The following CELF2 variants were observed in gnomAD, a reference collection of about 807,000 sequenced individuals.
CELF2 encodes the protein CUGBP Elav-like family member 2, also known as CUG triplet repeat RNA-binding protein 2.
A neutral mutation model predicts 62.6 loss-of-function variants in CELF2; 8 were observed. The ratio of observed to expected loss-of-function variants is 0.13; its 90% CI spans 0.07 to 0.23. The LOEUF is 0.23. Among genes scored for constraint, CELF2 ranks in the 10% least tolerant of loss-of-function variants. The pLI, the probability that CELF2 is intolerant of heterozygous loss-of-function variation, is 1.00. For missense variants in CELF2, 333 were observed against 671.0 expected, an observed-to-expected ratio of 0.50 and a Z score of 5.56; for synonymous variants, 258 against 250.0, an observed-to-expected ratio of 1.03 and a Z score of -0.30.
At chr10:10,872,314 G>A (rs772266781) in intron 1 of CELF2, among the ~76,000 whole-genome samples, 2 of 152,116 alleles carry the variant, frequency 1.3e-5, no homozygotes, top group Non-Finnish European at 2.9e-5. Flanking sequence ...GGTGATTTGA[G>A]GAAATGATCT....
chr10:10,607,887 T>A, the CELF2 span, among the ~76,000 whole-genome samples: 1 of 151,610 alleles, frequency 6.6e-6, no homozygotes, highest in Non-Finnish European at 1.5e-5. Context: ...ACCCAGGAGG[T>A]GGGAGGTGGC....
chr10:10,888,392 T>G (rs2061907028), intron 1 of CELF2, among the ~76,000 whole-genome samples: 1 of 152,214 alleles, frequency 6.6e-6, no homozygotes, highest in Non-Finnish European at 1.5e-5. Context: ...GGGAACAGTT[T>G]CATCTCACAC....
chr10:10,547,304 G>A, the CELF2 span, among the ~76,000 whole-genome samples: 13 of 152,098 alleles, frequency 8.5e-5, no homozygotes, highest in Non-Finnish European at 1.8e-4. Flanking sequence ...AGTGCCGAAT[G>A]CCTAATTCCC....
At chr10:10,872,731 AT>A (rs1008619645) in intron 1 of CELF2, among the ~76,000 whole-genome samples, 21 of 152,150 alleles carry the variant, frequency 1.4e-4, no homozygotes, top group African/African-American at 4.8e-4. Flanking sequence ...TTATGGAAAA[AT>A]TTTTTTTGCA....
At chr10:11,266,731 G>C in intron 6 of CELF2, 54 bp downstream of exon 6, 1 of 1,414,372 alleles carries the variant, frequency 7.1e-7, no homozygotes, top group South Asian at 1.2e-5. Flanking sequence ...ATGGGGAATG[G>C]TAAAGCAATT....
rs576717948 is a variant in CELF2, at chr10:10,881,117, G to A, written c.54-38847G>A. Among the ~76,000 whole-genome samples, 135 of 152,286 alleles carry A rather than the reference G, an allele frequency of 8.9e-4. 4 individuals are homozygous for A. In the South Asian group the frequency reaches 0.025, roughly 28 times the overall value. The stretch of plus-strand genomic sequence containing the variant: ...CTTCACTTACGACTGTTACTAGGAC[G>A]TGATTCTATGGCCTCACCTTGATCA... On this transcript the variant is annotated intron_variant, in intron 1 of 13. Transcript: ENST00000636488.
chr10:10,688,326 G>A, the CELF2 span, among the ~76,000 whole-genome samples: 1 of 152,118 alleles, frequency 6.6e-6, no homozygotes, highest in South Asian at 2.1e-4. Context: ...TTCCACATAG[G>A]GGACAGTGAA....
At chr10:10,791,354 T>C in the CELF2 span, among the ~76,000 whole-genome samples, 1 of 151,920 alleles carries the variant, frequency 6.6e-6, no homozygotes, top group African/African-American at 2.4e-5. Flanking sequence ...AGAAACCAGT[T>C]GGAGCCGGGG....
At chr10:10,616,351 A>C in the CELF2 span, among the ~76,000 whole-genome samples, 1 of 149,030 alleles carries the variant, frequency 6.7e-6, no homozygotes, top group African/African-American at 2.5e-5. Context: ...AAATTTTAGA[A>C]AGCAAATTCA....
In CELF2 at chr10:11,321,340, C is replaced by T. The variant is rs201089004; in HGVS notation, c.1248C>T (p.Ser416=). ...CCGCCGCGCTGCCCACTCTGTACAG[C>T]CAGAGCCTGCTGCAGCAGCAGAGCG... ...YAAAALPTLY[S]QSLLQQQSAA... is the part of the protein sequence containing the mutation. Residue 416 remains serine (S), a synonymous_variant, in exon 11 of 13, where the codon AGC becomes AGT. Transcript: ENST00000633077. This position sits in a 1 kb window ranked among gnomAD's most constrained non-coding sequence, Gnocchi z 6.2. 3.7e-6 allele frequency: 6 copies of T among 1,611,270 alleles called. No homozygotes were observed. The South Asian group carries it at 5.5e-5, about 15-fold the overall frequency.
intron 1 of CELF2, among the ~76,000 whole-genome samples, chr10:10,895,724 A>G (rs1196935907): frequency 6.6e-6 from 1 of 152,214 alleles, no homozygotes; most frequent in Non-Finnish European, 1.5e-5. Context: ...AACCAAAAAC[A>G]TGGGCAAAAT....
intron 2 of CELF2, chr10:10,922,981 C>A (rs2065063226): frequency 1.3e-5 from 2 of 152,168 alleles, no homozygotes; most frequent in African/African-American, 4.8e-5. Flanking sequence ...CAGCTTATTT[C>A]TTTTGCTAGT....
At chr10:10,597,843 A>G in the CELF2 span, among the ~76,000 whole-genome samples, 3 of 152,218 alleles carry the variant, frequency 2.0e-5, no homozygotes, top group South Asian at 6.2e-4. Context: ...TTGTCCAGTT[A>G]AATATTTTCT....
At chr10:11,050,357 A>T (rs2063693197) in intron 1 of CELF2, among the ~76,000 whole-genome samples, 1 of 152,192 alleles carries the variant, frequency 6.6e-6, no homozygotes, top group Non-Finnish European at 1.5e-5. Context: ...CATTGTCTGG[A>T]CATTATTTGG....
intron 7 of CELF2, among the ~76,000 whole-genome samples, chr10:11,272,488 A>G (rs781117839): frequency 2.6e-5 from 4 of 151,908 alleles, no homozygotes; most frequent in Admixed American, 6.6e-5. Context: ...CCCATCCACC[A>G]TTTCTGAAAA....
In CELF2 at chr10:11,319,818, G is replaced by A. The variant is rs190354872; in HGVS notation, c.1097-1371G>A. On this transcript the variant is annotated intron_variant, in intron 10 of 12. Transcript: ENST00000633077. The surrounding 1 kb of genome is among the most constrained non-coding windows in gnomAD (Gnocchi z 4.4). ...CATGTGTCCTTTTAATTGAAGAGGC[G>A]AAGTTGGCCAAATAGAAGCACAAGT... The A allele has an allele frequency of 3.9e-4, 182 of 471,062 alleles. No homozygotes were observed. Among genetic ancestry groups the A allele is most frequent in the Middle Eastern group, 6.5e-4 (2 of 3,078 alleles). The allele number at this position is 471,062 out of a possible 1,614,324, so 29.2% of individuals were successfully genotyped here.
At chr10:10,565,031 C>T in the CELF2 span, among the ~76,000 whole-genome samples, 1 of 152,198 alleles carries the variant, frequency 6.6e-6, no homozygotes, top group Non-Finnish European at 1.5e-5. Context: ...CAGGATTGTA[C>T]AGCCGAATGT....
chr10:11,167,669 C>G (rs997000030), intron 2 of CELF2, among the ~76,000 whole-genome samples: 8 of 152,216 alleles, frequency 5.3e-5, no homozygotes, highest in African/African-American at 1.4e-4. Context: ...TTGTTAACTT[C>G]TGTTCACTGT....
chr10:10,869,417 T>C (rs10737046), intron 1 of CELF2, among the ~76,000 whole-genome samples: 81,581 of 151,744 alleles, frequency 0.54, 23,129 homozygotes, highest in East Asian at 0.75. Flanking sequence ...CAAAAATTAA[T>C]TGGGCATGGT....
Sources: allele counts gnomAD v4.1 joint callset (sites outside exome capture counted in the v4.1 genomes callset), GRCh38; gene constraint gnomAD v4.1.1; non-coding constraint Gnocchi (gnomAD v3.1); transcripts MANE v1.5; gene names NCBI Gene and HGNC (gene_info 2026-07-23, HGNC 2026-07-21).